Variants in FBXL17 observed in about 807,000 individuals in gnomAD.
The protein encoded by FBXL17 is F-box and leucine rich repeat protein 17, also known as F-box/LRR-repeat protein 17.
In FBXL17, 22 loss-of-function variants were observed where a neutral mutation model predicts 66.2. The ratio of observed to expected loss-of-function variants is 0.33; its 90% confidence interval spans 0.24 to 0.47. FBXL17 has a LOEUF of 0.47. Ranked by LOEUF, FBXL17 falls within the 20% of genes least tolerant of loss-of-function variation. The probability of loss-of-function intolerance (pLI) is 1.00; values close to 1 mark genes in which losing one functional copy is unlikely to be tolerated. For missense variants in FBXL17, 878 were observed against 948.2 expected (o/e 0.93, Z 0.97); for synonymous variants, 474 against 400.5 (o/e 1.18, Z -2.19).
intron 6 of FBXL17, among the ~76,000 whole-genome samples, chr5:108,154,472 C>A (rs576880796): frequency 2.7e-5 from 4 of 150,412 alleles, no homozygotes; most frequent in Non-Finnish European, 5.9e-5. Flanking sequence ...TGCCTGTAAT[C>A]CCAGCTACTC....
intron 6 of FBXL17, among the ~76,000 whole-genome samples, chr5:108,110,296 A>G (rs2149952095): frequency 6.6e-6 from 1 of 152,368 alleles, no homozygotes; most frequent in East Asian, 1.9e-4. Flanking sequence ...TTCATCAGTA[A>G]TATAGTCTAT....
chr5:107,884,146 G>C lies in FBXL17; in HGVS notation c.1823-2967C>G, dbSNP rs142075203. ...TTACGAAGTTTATAGTCTAGCAGAAGAGACAGATGTGAAACAAATAAACAT... is the reference window on the plus strand; with the variant it reads ...TTACGAAGTTTATAGTCTAGCAGAACAGACAGATGTGAAACAAATAAACAT... On this transcript the variant is annotated intron_variant, in intron 7 of 8. Coordinates refer to ENST00000542267, the MANE Select transcript of FBXL17 (RefSeq NM_001163315.3). 2.5e-3 allele frequency among the ~76,000 whole-genome samples: 375 copies of C among 152,302 alleles called. 5 individuals are homozygous for C. The highest frequency in any genetic ancestry group is 8.5e-3 in the African/African-American group (353 of 41,556).
chr5:108,114,079 T>C (rs546294899), intron 6 of FBXL17, among the ~76,000 whole-genome samples: 3 of 152,322 alleles, frequency 2.0e-5, no homozygotes, highest in South Asian at 4.1e-4. Context: ...CAGTCAACTA[T>C]TTGCATTACA....
intron 7 of FBXL17, among the ~76,000 whole-genome samples, chr5:107,981,404 C>T (rs1752823591): frequency 6.6e-6 from 1 of 152,224 alleles, no homozygotes; most frequent in South Asian, 2.1e-4. Flanking sequence ...GGAGTGACCA[C>T]AACTGTGGGT....
chr5:108,163,181 A>C (rs1476423198), intron 6 of FBXL17, among the ~76,000 whole-genome samples: 2 of 152,128 alleles, frequency 1.3e-5, no homozygotes, highest in Admixed American at 1.3e-4. Flanking sequence ...ACAACGAAAG[A>C]GGTTAAAAAG....
intron 6 of FBXL17, among the ~76,000 whole-genome samples, chr5:108,175,835 T>C (rs2150021266): frequency 6.6e-6 from 1 of 152,346 alleles, no homozygotes; most frequent in Middle Eastern, 3.4e-3. Context: ...TCATAAAATA[T>C]TTTAGGCTGA....
intron 7 of FBXL17, among the ~76,000 whole-genome samples, chr5:107,967,580 AAAC>A (rs1752200920): frequency 6.6e-6 from 1 of 151,850 alleles, no homozygotes; most frequent in Non-Finnish European, 1.5e-5. Flanking sequence ...TACCTAATGT[AAAC>A]AACAAGTTAA....
At chr5:108,252,213 T>C (rs973465621) in intron 4 of FBXL17, among the ~76,000 whole-genome samples, 1 of 152,132 alleles carries the variant, frequency 6.6e-6, no homozygotes, top group African/African-American at 2.4e-5. Flanking sequence ...GTAAAGTGTC[T>C]TCATCTGTAA....
chr5:107,992,082 T>C (rs1339897924), intron 7 of FBXL17, among the ~76,000 whole-genome samples: 1 of 123,516 alleles, frequency 8.1e-6, no homozygotes, highest in Non-Finnish European at 1.7e-5. Context: ...ACACATATCA[T>C]ATTAATTGTG....
chr5:107,995,390 G>C (rs1753431238), intron 7 of FBXL17, among the ~76,000 whole-genome samples: 1 of 152,150 alleles, frequency 6.6e-6, no homozygotes, highest in Non-Finnish European at 1.5e-5. Context: ...CATTAAGAGA[G>C]GCAAGCATGG....
intron 4 of FBXL17, among the ~76,000 whole-genome samples, chr5:108,305,278 CTCACAGACACAT>C (rs1758783296): frequency 7.0e-6 from 1 of 143,752 alleles, no homozygotes; most frequent in Admixed American, 6.7e-5. Context: ...ACACATGGTT[CTCACAGACACAT>C]TGGGGGGATC....
intron 7 of FBXL17, among the ~76,000 whole-genome samples, chr5:108,010,109 C>A (rs963263932): frequency 6.6e-6 from 1 of 152,152 alleles, no homozygotes; most frequent in African/African-American, 2.4e-5. Context: ...TACTGAGAGT[C>A]CAACAAGCAC....
At chr5:107,873,272 C>T (rs1449711609) in intron 8 of FBXL17, among the ~76,000 whole-genome samples, 1 of 152,188 alleles carries the variant, frequency 6.6e-6, no homozygotes, top group East Asian at 1.9e-4. Flanking sequence ...AGTACTGTAG[C>T]TGCCCATTTG....
chr5:108,021,134 T>C (rs1259110961), intron 6 of FBXL17, 133 bp from the exon 7 acceptor site: 1 of 588,748 alleles, frequency 1.7e-6, no homozygotes, highest in Non-Finnish European at 3.0e-6. Context: ...AGGTATTATA[T>C]TCCCTGCTTT....
At chr5:108,075,087 C>T (rs1425915123) in intron 6 of FBXL17, among the ~76,000 whole-genome samples, 1 of 152,174 alleles carries the variant, frequency 6.6e-6, no homozygotes, top group Non-Finnish European at 1.5e-5. Context: ...GACGGTCTGC[C>T]TTCCAGCTGT....
chr5:107,903,789 C>T (rs919474165), intron 7 of FBXL17, among the ~76,000 whole-genome samples: 1 of 152,074 alleles, frequency 6.6e-6, no homozygotes, highest in Non-Finnish European at 1.5e-5. Flanking sequence ...ACACAAAATG[C>T]AAAATATTGG....
intron 4 of FBXL17, among the ~76,000 whole-genome samples, chr5:108,245,793 G>A (rs1017496855): frequency 6.6e-6 from 1 of 152,176 alleles, no homozygotes; most frequent in African/African-American, 2.4e-5. Context: ...TAGAAGGTCA[G>A]AAAGGGCAGA....
intron 6 of FBXL17, among the ~76,000 whole-genome samples, chr5:108,103,311 G>A (rs40067): frequency 0.18 from 28,111 of 152,064 alleles, 2,883 homozygotes; most frequent in South Asian, 0.41. Context: ...TGCAGCTTAC[G>A]GTTTTAAGCT....
intron 7 of FBXL17, among the ~76,000 whole-genome samples, 189 bp from the exon 8 acceptor site, chr5:107,881,368 G>C (rs1432042023): frequency 1.3e-5 from 2 of 152,118 alleles, no homozygotes; most frequent in Admixed American, 1.3e-4. Flanking sequence ...CATTTGCAAA[G>C]TGAATAATCA....
Sources: gnomAD v4.1 joint callset for allele counts (sites outside exome capture counted in the v4.1 genomes callset) on GRCh38, gnomAD v4.1.1 for gene constraint, MANE v1.5 for transcripts, NCBI Gene and HGNC (gene_info 2026-07-23, HGNC 2026-07-21) for gene names.